Variants in ANO10 observed in about 807,000 individuals in gnomAD.
The protein encoded by ANO10 is anoctamin 10.
A neutral mutation model predicts 74.7 loss-of-function variants in ANO10; 77 were observed. The ratio of observed to expected loss-of-function variants is 1.03; its 90% confidence interval spans 0.86 to 1.25. The LOEUF (loss-of-function observed/expected upper bound fraction) is 1.25. Among genes scored for constraint, ANO10 ranks in the 50% most tolerant of loss-of-function variants. The pLI, the probability that ANO10 is intolerant of heterozygous loss-of-function variation, is 0.00. For missense variants in ANO10, 721 were observed against 778.1 expected (o/e 0.93, Z 0.87); for synonymous variants, 279 against 284.9 (o/e 0.98, Z 0.21).
chr3:43,636,149 G>A (rs532590417), intron 1 of ANO10, among the ~76,000 whole-genome samples: 1 of 152,324 alleles, frequency 6.6e-6, no homozygotes, highest in Admixed American at 6.5e-5. Context: ...GACATAGGTA[G>A]GGGAGTGAAG....
At chr3:43,473,155 CT>C (rs34840714) in intron 11 of ANO10, among the ~76,000 whole-genome samples, 5 of 149,586 alleles carry the variant, frequency 3.3e-5, no homozygotes, top group Middle Eastern at 3.5e-3. Flanking sequence ...TCCAAAATGT[CT>C]TTTTTTTTTA....
At chr3:43,389,432 C>T (rs1559500290) in intron 12 of ANO10, among the ~76,000 whole-genome samples, 1 of 152,198 alleles carries the variant, frequency 6.6e-6, no homozygotes, top group Non-Finnish European at 1.5e-5. Flanking sequence ...GGTCAGCTTT[C>T]AGTGGGTGAT....
intron 1 of ANO10, among the ~76,000 whole-genome samples, chr3:43,616,360 GT>G (rs1222513572): frequency 3.3e-5 from 5 of 152,080 alleles, no homozygotes; most frequent in Non-Finnish European, 7.4e-5. Flanking sequence ...ACAACCTTTT[GT>G]TTTTTTCTTT....
chr3:43,372,887 C>T (rs772683025), intron 12 of ANO10: 9 of 1,528,932 alleles, frequency 5.9e-6, no homozygotes, highest in Non-Finnish European at 7.9e-6. Flanking sequence ...TAGCCAGTAA[C>T]CTCAGTGTAA....
chr3:43,690,968 TC>T (rs1559406067), intron 1 of ANO10: 1 of 1,566,130 alleles, frequency 6.4e-7, no homozygotes, highest in Non-Finnish European at 8.6e-7. Context: ...TCGAGATAAG[TC>T]CCGGCGCTTG....
At chr3:43,672,352 C>T (rs916397207) in intron 1 of ANO10, among the ~76,000 whole-genome samples, 6 of 151,848 alleles carry the variant, frequency 4.0e-5, no homozygotes, top group African/African-American at 1.2e-4. Context: ...AGTGAGACTC[C>T]GTCTCAACAA....
chr3:43,620,023 C>T (rs1301023390), intron 1 of ANO10, among the ~76,000 whole-genome samples: 1 of 152,080 alleles, frequency 6.6e-6, no homozygotes, highest in African/African-American at 2.4e-5. Context: ...CAAAGGTTTA[C>T]TGCTTATAAA....
chr3:43,481,787 T>C (rs2076278009), intron 11 of ANO10, among the ~76,000 whole-genome samples: 1 of 152,100 alleles, frequency 6.6e-6, no homozygotes, highest in African/African-American at 2.4e-5. Context: ...AATCTTTTAA[T>C]CCACCTATGA....
intron 11 of ANO10, among the ~76,000 whole-genome samples, chr3:43,487,208 G>A (rs1484265863): frequency 1.3e-5 from 2 of 151,426 alleles, no homozygotes; most frequent in Admixed American, 6.6e-5. Context: ...CGTTTTGCCA[G>A]TATTTTATTG....
chr3:43,492,234 CA>C (rs1339019639), intron 11 of ANO10, among the ~76,000 whole-genome samples: 28 of 152,082 alleles, frequency 1.8e-4, no homozygotes, highest in Non-Finnish European at 2.9e-5. Context: ...ACTGGCTAGC[CA>C]TATGAAGAAA....
At chr3:43,415,907 G>A (rs1200151383) in intron 12 of ANO10, among the ~76,000 whole-genome samples, 1 of 152,004 alleles carries the variant, frequency 6.6e-6, no homozygotes, top group Non-Finnish European at 1.5e-5. Flanking sequence ...CATTCTCACA[G>A]AAGTGATCTG....
intron 12 of ANO10, 122 bp downstream of exon 12, chr3:43,432,489 C>T (rs1358132336): frequency 6.0e-6 from 5 of 835,734 alleles, no homozygotes; most frequent in Admixed American, 1.8e-5. Context: ...AACTGGAGTC[C>T]TCTGTATTCA....
At chr3:43,370,600 G>C (rs2125671785) in intron 12 of ANO10, among the ~76,000 whole-genome samples, 1 of 152,230 alleles carries the variant, frequency 6.6e-6, no homozygotes, top group East Asian at 1.9e-4. Context: ...AAAAAACCTG[G>C]CTTCTTTGGG....
Position 43,366,394 on chromosome 3 carries a change from T to C in ANO10, c.*512A>G. 1 of 213,340 alleles carries C rather than the reference T, an allele frequency of 4.7e-6. No individual in the cohort carries two copies. The highest frequency in any genetic ancestry group is 9.6e-6 in the Non-Finnish European group (1 of 104,382). The allele number at this position is 213,340 out of a possible 1,614,324, so 13.2% of individuals were successfully genotyped here. A position where few individuals can be genotyped will look rare whatever the true frequency, so the allele number is the denominator to read the frequency against. The stretch of plus-strand genomic sequence containing the variant: ...CTATTGTTTATGTTGATAAAGGGTC[T>C]GTTAATGTATTGCAAAAGAGAACCA... On this transcript the variant is annotated 3_prime_UTR_variant, in exon 13 of 13. Transcript: ENST00000292246.
chr3:43,463,946 T>C (rs2075499124), intron 11 of ANO10, among the ~76,000 whole-genome samples: 1 of 152,162 alleles, frequency 6.6e-6, no homozygotes, highest in African/African-American at 2.4e-5. Context: ...GTCTTTCCCA[T>C]GCTGTTCTCG....
intron 1 of ANO10, among the ~76,000 whole-genome samples, chr3:43,674,413 T>C (rs2084096936): frequency 6.6e-6 from 1 of 152,126 alleles, no homozygotes; most frequent in African/African-American, 2.4e-5. Flanking sequence ...GCCTCACAAG[T>C]AGCTGAGATT....
At chr3:43,401,706 A>G (rs1323821462) in intron 12 of ANO10, among the ~76,000 whole-genome samples, 2 of 152,232 alleles carry the variant, frequency 1.3e-5, no homozygotes, top group Non-Finnish European at 2.9e-5. Context: ...AGCACTTTCC[A>G]TATTTAAATA....
intron 12 of ANO10, among the ~76,000 whole-genome samples, chr3:43,417,467 C>T (rs925710267): frequency 6.6e-6 from 1 of 152,146 alleles, no homozygotes; most frequent in African/African-American, 2.4e-5. Flanking sequence ...CAAAGTCCGG[C>T]GCATCCACTA....
intron 1 of ANO10, among the ~76,000 whole-genome samples, chr3:43,633,722 T>C (rs2083573734): frequency 6.6e-6 from 1 of 152,192 alleles, no homozygotes; most frequent in Non-Finnish European, 1.5e-5. Context: ...TTCATGGTTG[T>C]TGACAGAAGA....
Sources: allele counts gnomAD v4.1 joint callset (sites outside exome capture counted in the v4.1 genomes callset), GRCh38; gene constraint gnomAD v4.1.1; transcripts MANE v1.5; gene names NCBI Gene and HGNC (gene_info 2026-07-23, HGNC 2026-07-21).